Variants in CAMTA1 observed in about 807,000 individuals in gnomAD.
CAMTA1 encodes the protein calmodulin binding transcription activator 1, also known as calmodulin-binding transcription activator 1.
In CAMTA1, 27 loss-of-function variants were observed where a neutral mutation model predicts 170.9. The observed-to-expected ratio is 0.16, with a 90% CI of 0.12 to 0.22. The LOEUF (loss-of-function observed/expected upper bound fraction) is 0.22. CAMTA1 is among the 10% of genes least tolerant of loss of function. The pLI, the probability that CAMTA1 is intolerant of heterozygous loss-of-function variation, is 1.00. For synonymous variants in CAMTA1, 833 were observed against 891.5 expected (o/e 0.93, Z 1.17); for missense variants, 1,619 against 2,217.2 (o/e 0.73, Z 5.42).
chr1:7,412,013 G>GT (rs2090810312), intron 5 of CAMTA1, among the ~76,000 whole-genome samples: 1 of 150,652 alleles, frequency 6.6e-6, no homozygotes, highest in African/African-American at 2.5e-5. Context: ...GCGGTGTTTG[G>GT]TTTTTTGTCC....
chr1:7,383,238 CG>C (rs749154829), intron 5 of CAMTA1, among the ~76,000 whole-genome samples: 12 of 151,930 alleles, frequency 7.9e-5, no homozygotes, highest in South Asian at 2.1e-4. Context: ...AGGGCCAGGA[CG>C]GACATTGTTG....
At chr1:7,356,440 T>G (rs2085118839) in intron 5 of CAMTA1, among the ~76,000 whole-genome samples, 1 of 152,214 alleles carries the variant, frequency 6.6e-6, no homozygotes, top group Non-Finnish European at 1.5e-5. Context: ...CAGGTGATCT[T>G]GAGTGAGACC....
intron 12 of CAMTA1, among the ~76,000 whole-genome samples, chr1:7,735,444 CAAAAAAAA>C (rs1028269439): frequency 1.7e-5 from 1 of 58,172 alleles, no homozygotes; most frequent in African/African-American, 6.3e-5. Context: ...GACTCTGTCT[CAAAAAAAA>C]AAAAAAAGAA....
intron 3 of CAMTA1, among the ~76,000 whole-genome samples, chr1:6,880,951 T>A (rs1671396522): frequency 6.6e-6 from 1 of 152,012 alleles, no homozygotes; most frequent in Admixed American, 6.6e-5. Context: ...AAAACAAAAA[T>A]AAATAACAGT....
At chr1:6,788,969 T>G (rs1322679111) in intron 1 of CAMTA1, among the ~76,000 whole-genome samples, 2 of 152,218 alleles carry the variant, frequency 1.3e-5, no homozygotes, top group African/African-American at 4.8e-5. Flanking sequence ...GTTTAATCTT[T>G]CTGTTCGACT....
chr1:7,135,437 G>C (rs1035045469), intron 4 of CAMTA1, among the ~76,000 whole-genome samples: 5 of 152,084 alleles, frequency 3.3e-5, no homozygotes, highest in African/African-American at 1.2e-4. Context: ...ATGCTGGTGA[G>C]GCTGTGGAGA....
rs1242847517 is a variant in CAMTA1 at position 7,325,989 on chromosome 1, G to C, written c.438+76363G>C. Among the ~76,000 whole-genome samples the C allele has an allele frequency of 6.6e-6, 1 of 152,202 alleles. No individual in the cohort carries two copies. The highest frequency in any genetic ancestry group is 1.5e-5 in the Non-Finnish European group (1 of 68,042). ...TTCTCATGCCTCAGCCTCCCAAGTAGCTGGGACTACAGGCGTGCGCCACCA... is the reference window on the plus strand; with the variant it reads ...TTCTCATGCCTCAGCCTCCCAAGTACCTGGGACTACAGGCGTGCGCCACCA... On this transcript the variant is annotated intron_variant, in intron 5 of 22. Coordinates refer to ENST00000303635, the MANE Select transcript of CAMTA1 (RefSeq NM_015215.4). The surrounding 1 kb of genome is among the most constrained non-coding windows in gnomAD (Gnocchi z 5.0).
intron 4 of CAMTA1, among the ~76,000 whole-genome samples, chr1:7,099,536 G>A (rs150429870): frequency 5.9e-4 from 90 of 152,266 alleles, no homozygotes; most frequent in African/African-American, 2.0e-3. Flanking sequence ...TGTTGACTCT[G>A]CTGTTTCTTG....
At chr1:7,180,334 G>A (rs1008470867) in intron 4 of CAMTA1, among the ~76,000 whole-genome samples, 2 of 150,612 alleles carry the variant, frequency 1.3e-5, no homozygotes, top group African/African-American at 4.9e-5. Flanking sequence ...CTCCGGCCTG[G>A]GTGACAAGAG....
At chr1:7,568,822 A>C (rs1167089448) in intron 6 of CAMTA1, among the ~76,000 whole-genome samples, 3 of 147,786 alleles carry the variant, frequency 2.0e-5, no homozygotes, top group Non-Finnish European at 4.5e-5. Flanking sequence ...CATCATCGTC[A>C]TCACCAAATC....
chr1:6,953,536 T>C (rs1688881785), intron 3 of CAMTA1, among the ~76,000 whole-genome samples: 1 of 152,212 alleles, frequency 6.6e-6, no homozygotes, highest in South Asian at 2.1e-4. Flanking sequence ...GAGGGCTGGC[T>C]TAGGACCGAA....
intron 4 of CAMTA1, among the ~76,000 whole-genome samples, chr1:7,166,572 T>G (rs1209727262): frequency 6.6e-6 from 1 of 152,218 alleles, no homozygotes; most frequent in Non-Finnish European, 1.5e-5. Context: ...AGGCTGAGCT[T>G]CTTCTCATAG....
intron 4 of CAMTA1, among the ~76,000 whole-genome samples, chr1:7,148,305 A>G (rs1646358532): frequency 6.6e-6 from 1 of 151,812 alleles, no homozygotes. Flanking sequence ...CATACTACAC[A>G]GTGAAATGTA....
intron 4 of CAMTA1, among the ~76,000 whole-genome samples, chr1:7,180,710 C>G (rs1443935500): frequency 6.6e-6 from 1 of 151,904 alleles, no homozygotes; most frequent in Middle Eastern, 3.2e-3. Context: ...GACGGATTCA[C>G]CATGTTGCCC....
At chr1:7,049,972 G>A (rs1308770295) in intron 3 of CAMTA1, among the ~76,000 whole-genome samples, 2 of 152,176 alleles carry the variant, frequency 1.3e-5, no homozygotes, top group Non-Finnish European at 2.9e-5. Context: ...CGAGCCCAGT[G>A]GGAAAGTGAA....
chr1:7,022,392 AG>A (rs1243927327), intron 3 of CAMTA1, among the ~76,000 whole-genome samples: 1 of 152,214 alleles, frequency 6.6e-6, no homozygotes, highest in East Asian at 1.9e-4. Context: ...GGCCAGTGGT[AG>A]GGGCTAGCTG....
rs776193489 is a variant in CAMTA1 at position 7,751,396 on chromosome 1, G to A, written c.4883+4G>A. The A allele has an allele frequency of 1.1e-5, 17 of 1,577,982 alleles. No individual in the cohort carries two copies. The highest frequency in any genetic ancestry group is 1.5e-5 in the Non-Finnish European group (17 of 1,166,364). ...TGATTGTACAACAGAAACTCAGGTG[G>A]GTGGAGAAGAGCTCATGGAGGTAAA... On this transcript the variant is annotated splice_donor_region_variant and intron_variant, in intron 20 of 22. Coordinates refer to ENST00000303635, the MANE Select transcript of CAMTA1 (RefSeq NM_015215.4).
chr1:7,559,414 G>A (rs913846604), intron 6 of CAMTA1, among the ~76,000 whole-genome samples: 3 of 152,188 alleles, frequency 2.0e-5, no homozygotes, highest in Non-Finnish European at 4.4e-5. Context: ...CCTCCAGGCT[G>A]TCTCAGCCAG....
At chr1:7,519,722 C>A (rs1316956411) in intron 6 of CAMTA1, among the ~76,000 whole-genome samples, 1 of 151,714 alleles carries the variant, frequency 6.6e-6, no homozygotes, top group Non-Finnish European at 1.5e-5. Flanking sequence ...TGGGCTAATC[C>A]TTTGTCCCCT....
Sources: allele counts gnomAD v4.1 joint callset (sites outside exome capture counted in the v4.1 genomes callset), GRCh38; gene constraint gnomAD v4.1.1; non-coding constraint Gnocchi (gnomAD v3.1); transcripts MANE v1.5; gene names NCBI Gene and HGNC (gene_info 2026-07-23, HGNC 2026-07-21).